The following DCC variants were observed in gnomAD, a reference collection of about 807,000 sequenced individuals.
DCC encodes the protein netrin receptor DCC.
DCC carries 58 observed loss-of-function variants against 172.5 expected under a neutral mutation model. That is an observed-to-expected ratio of 0.34 (90% confidence interval 0.27 to 0.42). DCC has a LOEUF of 0.42. DCC is among the 10% of genes least tolerant of loss of function. The probability of loss-of-function intolerance (pLI) is 1.00; values close to 1 mark genes in which losing one functional copy is unlikely to be tolerated. For missense variants in DCC, 1,740 were observed against 1,791.0 expected (o/e 0.97, Z 0.51); for synonymous variants, 709 against 644.5 (o/e 1.10, Z -1.52).
At chr18:53,012,245 T>C (rs2041741125) in intron 5 of DCC, among the ~76,000 whole-genome samples, 1 of 151,966 alleles carries the variant, frequency 6.6e-6, no homozygotes, top group Non-Finnish European at 1.5e-5. Flanking sequence ...AAGGTATTCA[T>C]AGGAGCTTTA....
At chr18:52,441,650 G>T (rs1987972340) in intron 1 of DCC, among the ~76,000 whole-genome samples, 1 of 151,948 alleles carries the variant, frequency 6.6e-6, no homozygotes, top group Non-Finnish European at 1.5e-5. Flanking sequence ...TGTCTATAGA[G>T]GTATTTTCTA....
chr18:52,577,904 A>G (rs2033453708), intron 1 of DCC, among the ~76,000 whole-genome samples: 1 of 152,246 alleles, frequency 6.6e-6, no homozygotes, highest in Non-Finnish European at 1.5e-5. Context: ...AGTGAGCATA[A>G]GGAACATAAT....
rs550492115 is a variant in DCC, at chr18:53,147,196, C to T, written c.1262-10160C>T. 1.9e-4 allele frequency among the ~76,000 whole-genome samples: 29 copies of T among 152,230 alleles called. No homozygotes were observed. The South Asian group carries it at 5.6e-3, about 29-fold the overall frequency. On this transcript the variant is annotated intron_variant, in intron 7 of 28. Coordinates refer to ENST00000442544, the MANE Select transcript of DCC (RefSeq NM_005215.4). ...AGATATCATTTTCTTCACTGCAGTACATTAAGAAAGAAAAAGAATGAGCTA... is the reference window on the plus strand; with the variant it reads ...AGATATCATTTTCTTCACTGCAGTATATTAAGAAAGAAAAAGAATGAGCTA...
chr18:53,245,695 A>G lies in DCC; in HGVS notation c.1911+30098A>G, dbSNP rs181485695. Among the ~76,000 whole-genome samples the G allele has an allele frequency of 2.0e-5, 3 of 152,238 alleles. No homozygotes were observed. The East Asian group carries it at 5.8e-4, about 29-fold the overall frequency. ...CAAGTCTAATACAGATATCTAATATAGATTTAATAGCAAAAGATTTAACAG... is the reference window on the plus strand; with the variant it reads ...CAAGTCTAATACAGATATCTAATATGGATTTAATAGCAAAAGATTTAACAG... On this transcript the variant is annotated intron_variant, in intron 12 of 28. Coordinates refer to ENST00000442544, the MANE Select transcript of DCC (RefSeq NM_005215.4).
intron 14 of DCC, among the ~76,000 whole-genome samples, chr18:53,335,555 G>C (rs948942399): frequency 6.6e-6 from 1 of 152,080 alleles, no homozygotes; most frequent in Non-Finnish European, 1.5e-5. Flanking sequence ...TATTACATAT[G>C]TTACAAAGAA....
At chr18:53,371,373 G>A (rs1195674819) in intron 15 of DCC, among the ~76,000 whole-genome samples, 1 of 151,982 alleles carries the variant, frequency 6.6e-6, no homozygotes, top group African/African-American at 2.4e-5. Flanking sequence ...TTTCAAAGAA[G>A]TGGGACTGGT....
In DCC at chr18:53,311,300, T is replaced by G. The variant is rs776013555; in HGVS notation, c.2053+5581T>G. On this transcript the variant is annotated intron_variant, in intron 13 of 28. Coordinates refer to ENST00000442544, the MANE Select transcript of DCC (RefSeq NM_005215.4). ...CCACACCTGGCTAATTTTTTGTATTTTTAGTAGAGACGAGGTTTCGCCATT... is the reference window on the plus strand; with the variant it reads ...CCACACCTGGCTAATTTTTTGTATTGTTAGTAGAGACGAGGTTTCGCCATT... Among the ~76,000 whole-genome samples the G allele has an allele frequency of 1.2e-3, 183 of 152,208 alleles. 1 individual carries two copies. Among genetic ancestry groups the G allele is most frequent in the Non-Finnish European group, 2.2e-3 (149 of 68,010 alleles).
chr18:53,229,765 G>T (rs1214058486), intron 12 of DCC, among the ~76,000 whole-genome samples: 1 of 149,876 alleles, frequency 6.7e-6, no homozygotes, highest in Non-Finnish European at 1.5e-5. Context: ...GACACCACAG[G>T]AAAAAAAAAT....
chr18:52,878,086 A>C lies in DCC; in HGVS notation c.413-27958A>C, dbSNP rs566035416. Among the ~76,000 whole-genome samples, 75 of 151,546 alleles carry C rather than the reference A, an allele frequency of 4.9e-4. No homozygotes were observed. The South Asian group carries it at 0.015, about 31-fold the overall frequency. ...CTCCCTCCCCAAAACTCCCCTCCCC[A>C]CTTTGGGGTTTCCTCCATATTTCCT... On this transcript the variant is annotated intron_variant, in intron 2 of 28. Coordinates refer to ENST00000442544, the MANE Select transcript of DCC (RefSeq NM_005215.4).
At chr18:53,264,828 A>T (rs2056653577) in intron 12 of DCC, among the ~76,000 whole-genome samples, 1 of 152,180 alleles carries the variant, frequency 6.6e-6, no homozygotes, top group African/African-American at 2.4e-5. Flanking sequence ...AAAGTCAAGC[A>T]GTGCGGTAGA....
chr18:53,055,622 T>C (rs1261123014), intron 5 of DCC, among the ~76,000 whole-genome samples: 1 of 152,132 alleles, frequency 6.6e-6, no homozygotes, highest in African/African-American at 2.4e-5. Context: ...CCTAAATGTT[T>C]AGACAGTATA....
intron 2 of DCC, among the ~76,000 whole-genome samples, chr18:52,799,049 T>G (rs2037932432): frequency 6.6e-6 from 1 of 152,234 alleles, no homozygotes; most frequent in Non-Finnish European, 1.5e-5. Flanking sequence ...GTGGCCAGCC[T>G]TATGTGTGTT....
intron 12 of DCC, among the ~76,000 whole-genome samples, chr18:53,223,683 G>T (rs1350991918): frequency 6.6e-6 from 1 of 152,124 alleles, no homozygotes; most frequent in Non-Finnish European, 1.5e-5. Flanking sequence ...CTAACTATGT[G>T]ATTTGATTTT....
chr18:52,395,783 A>C (rs1986202815), intron 1 of DCC, among the ~76,000 whole-genome samples: 1 of 151,984 alleles, frequency 6.6e-6, no homozygotes, highest in Admixed American at 6.6e-5. Context: ...CTCCTCCTGA[A>C]GTCAAAGGCC....
At chr18:52,917,137 C>CAAAAAAAAAAAAAAAAAAAAAAAA (rs146388621) in intron 3 of DCC, among the ~76,000 whole-genome samples, 3 of 94,804 alleles carry the variant, frequency 3.2e-5, no homozygotes, top group Non-Finnish European at 4.6e-5. Flanking sequence ...AAAAAGAAAA[C>CAAAAAAAAAAAAAAAAAAAAAAAA]AAAAAAAAAA....
intron 4 of DCC, among the ~76,000 whole-genome samples, chr18:52,924,440 G>A (rs1336753569): frequency 6.6e-6 from 1 of 151,874 alleles, no homozygotes; most frequent in Non-Finnish European, 1.5e-5. Flanking sequence ...CAACTATATC[G>A]CTCATATTCC....
intron 12 of DCC, among the ~76,000 whole-genome samples, chr18:53,302,285 A>G (rs1026540356): frequency 2.6e-5 from 4 of 152,144 alleles, no homozygotes; most frequent in African/African-American, 9.7e-5. Flanking sequence ...TGACAATTGT[A>G]TCCATCTGAG....
chr18:53,198,769 G>C (rs1188433616), intron 9 of DCC, among the ~76,000 whole-genome samples: 1 of 152,140 alleles, frequency 6.6e-6, no homozygotes, highest in Non-Finnish European at 1.5e-5. Context: ...AAAAAAGGTA[G>C]TTGGATAGGC....
intron 1 of DCC, among the ~76,000 whole-genome samples, chr18:52,376,483 A>G (rs867056415): frequency 4.5e-4 from 68 of 149,974 alleles, no homozygotes; most frequent in African/African-American, 1.4e-3. Context: ...GTATATTTCT[A>G]TGTGTGTGTG....
Sources: gnomAD v4.1 joint callset for allele counts (sites outside exome capture counted in the v4.1 genomes callset) on GRCh38, gnomAD v4.1.1 for gene constraint, MANE v1.5 for transcripts, NCBI Gene and HGNC (gene_info 2026-07-23, HGNC 2026-07-21) for gene names.